The following SMARCA1 variants were observed in gnomAD, a reference collection of about 807,000 sequenced individuals.
SMARCA1 encodes the protein SWI/SNF-related matrix-associated actin-dependent regulator of chromatin subfamily A member 1.
A neutral mutation model predicts 93.6 loss-of-function variants in SMARCA1; 17 were observed. The ratio of observed to expected loss-of-function variants is 0.18; its 90% confidence interval spans 0.12 to 0.27. SMARCA1 has a LOEUF of 0.27. SMARCA1 is among the 10% of genes least tolerant of loss of function. The pLI is 1.00. For missense variants in SMARCA1, 630 were observed against 819.0 expected (o/e 0.77, Z 2.82); for synonymous variants, 271 against 271.4 (o/e 1.00, Z 0.01).
At chrX:129,497,648 C>T (rs1387332214) in intron 11 of SMARCA1, among the ~76,000 whole-genome samples, 197 bp downstream of exon 11, 1 of 112,113 alleles carries the variant, frequency 8.9e-6, no homozygotes, top group Non-Finnish European at 1.9e-5. Context: ...CTCCTCACTA[C>T]ACTGTGAGCT....
chrX:129,510,240 A>G (rs1365868260), intron 6 of SMARCA1, among the ~76,000 whole-genome samples: 1 of 112,523 alleles, frequency 8.9e-6, no homozygotes, highest in Admixed American at 9.5e-5. Flanking sequence ...TCTCAAAGCA[A>G]TATTTATCCT....
intron 5 of SMARCA1, among the ~76,000 whole-genome samples, chrX:129,513,584 T>G (rs972528234): frequency 9.4e-6 from 1 of 105,994 alleles, no homozygotes; most frequent in African/African-American, 3.4e-5. Flanking sequence ...TATTTATATA[T>G]TATATATTAT....
At chrX:129,452,687 G>A (rs766226236) in intron 23 of SMARCA1, among the ~76,000 whole-genome samples, 176 of 112,040 alleles carry the variant, frequency 1.6e-3, no homozygotes, top group Non-Finnish European at 2.5e-3. Context: ...CTGGAACAAC[G>A]TTTGGTAGAA....
At chrX:129,520,001 A>C (rs1569451777) in intron 1 of SMARCA1, among the ~76,000 whole-genome samples, 1 of 110,158 alleles carries the variant, frequency 9.1e-6, no homozygotes, top group Non-Finnish European at 1.9e-5. Flanking sequence ...ACCTTGCGGT[A>C]GACTACCATC....
At chrX:129,462,690 T>C (rs1022227305) in intron 23 of SMARCA1, among the ~76,000 whole-genome samples, 1 of 111,622 alleles carries the variant, frequency 9.0e-6, no homozygotes, top group Non-Finnish European at 1.9e-5. Context: ...CTGAAGATTG[T>C]TCAGAAATAA....
At chrX:129,489,329 C>T (rs1934026775) in intron 15 of SMARCA1, among the ~76,000 whole-genome samples, 2 of 112,007 alleles carry the variant, frequency 1.8e-5, no homozygotes, top group African/African-American at 6.5e-5. Flanking sequence ...AACTTTTTTT[C>T]ATGTTCAAAC....
intron 8 of SMARCA1, among the ~76,000 whole-genome samples, chrX:129,505,398 G>A (rs1481411137): frequency 9.0e-6 from 1 of 110,628 alleles, no homozygotes; most frequent in Non-Finnish European, 1.9e-5. Flanking sequence ...TGTAATCCCA[G>A]CTACTGGGGA....
intron 19 of SMARCA1, among the ~76,000 whole-genome samples, chrX:129,473,433 C>T (rs952375117): frequency 1.7e-4 from 19 of 112,082 alleles, no homozygotes; most frequent in Admixed American, 8.5e-4. Flanking sequence ...AAATTACAGG[C>T]ATACCAGCAA....
At chrX:129,501,973 G>C (rs1474779019) in intron 9 of SMARCA1, among the ~76,000 whole-genome samples, 4 of 111,732 alleles carry the variant, frequency 3.6e-5, no homozygotes, top group African/African-American at 1.3e-4. Context: ...AATTTGTGGT[G>C]GTACATGTGT....
intron 23 of SMARCA1, 25 bp downstream of exon 23, chrX:129,465,495 A>T (rs1239984476): frequency 3.7e-6 from 4 of 1,076,118 alleles, no homozygotes; most frequent in Non-Finnish European, 5.1e-6. Flanking sequence ...AAGTTGGAGG[A>T]AATCGGTAAG....
rs759684524 is a variant in SMARCA1 at position 129,523,229 on chromosome X, C to A, written c.142G>T (p.Ala48Ser). 3.3e-6 allele frequency: 4 copies of A among 1,209,432 alleles called. No homozygotes were observed. Among genetic ancestry groups the A allele is most frequent in the South Asian group, 1.8e-5 (1 of 56,796 alleles). Residue 48 changes from alanine (A) to serine (S), a missense_variant, in exon 1 of 25, where the codon GCG becomes TCG. This residue lies in a region of SMARCA1 where 103 missense variants were observed against 82.0 expected (regional missense o/e 1.26). Transcript: ENST00000371121. ...GAAAAATEAT[A>S]ATEKGEKKKE... ...TTCTTCTCGCCCTTCTCCGTGGCCG[C>A]GGTGGCTTCGGTGGCCGCGGCGGCC...
chrX:129,464,702 A>C (rs1216971231), intron 23 of SMARCA1, among the ~76,000 whole-genome samples: 1 of 112,563 alleles, frequency 8.9e-6, no homozygotes, highest in Non-Finnish European at 1.9e-5. Flanking sequence ...TAACCTGCTT[A>C]ATTACAAAGG....
At chrX:129,459,915 C>T (rs1358702352) in intron 23 of SMARCA1, among the ~76,000 whole-genome samples, 1 of 111,310 alleles carries the variant, frequency 9.0e-6, no homozygotes, top group Non-Finnish European at 1.9e-5. Flanking sequence ...TTTGGGAGGC[C>T]GAGGCAGGAG....
At position 129,515,059 on chromosome X, in the gene SMARCA1, A is replaced by T. The variant is rs187266937; in HGVS notation, c.630+628T>A. Among the ~76,000 whole-genome samples, 477 of 110,206 alleles carry T rather than the reference A, an allele frequency of 4.3e-3. 6 individuals are homozygous for T. Among genetic ancestry groups the T allele is most frequent in the African/African-American group, 0.014 (415 of 30,239 alleles). On this transcript the variant is annotated intron_variant, in intron 5 of 24. Transcript: ENST00000371121. The stretch of plus-strand genomic sequence containing the variant: ...GCGAGACTCCATCTCAAAAAATTTT[A>T]AAAAAAAAGTTACATAAAGGCATCA...
At chrX:129,455,581 T>C (rs1194051743) in intron 23 of SMARCA1, among the ~76,000 whole-genome samples, 2 of 110,075 alleles carry the variant, frequency 1.8e-5, no homozygotes, top group Non-Finnish European at 3.8e-5. Context: ...ATTCTGCACA[T>C]GTATCCCAGA....
chrX:129,488,929 T>C lies in SMARCA1; in HGVS notation c.2097+8A>G. 8.8e-7 allele frequency: 1 copy of C among 1,142,483 alleles called. No homozygotes were observed. The highest frequency in any genetic ancestry group is 1.8e-5 in the African/African-American group (1 of 56,230). The allele number at this position is 1,142,483 out of a possible 1,213,427, so 94.2% of individuals were successfully genotyped here. ...CCAGCATGAAAATAAAATGCTATTT[T>C]AACTAACCTTCTTTTCCCCTCTTTC... On this transcript the variant is annotated splice_region_variant and intron_variant, in intron 16 of 24. Transcript: ENST00000371121.
Position 129,497,929 on chromosome X carries a change from G to T in SMARCA1, c.1420C>A (p.Pro474Thr). ...ACAATATGCTCATCAGTGGTATAAG[G>T]TGGACCAGGTTCAGCACCATCAAAC... ...YLFDGAEPGP[P>T]YTTDEHIVSN... is the part of the protein sequence containing the mutation. The change falls in exon 11 of 25, where the codon CCT (proline) becomes ACT (threonine). Residue 474 changes from proline (P) to threonine (T), a missense_variant. Physicochemically the swap from Pro to Thr is conservative, Grantham distance 38. This residue lies in a region of SMARCA1 where 382 missense variants were observed against 537.9 expected (regional missense o/e 0.71). Coordinates refer to ENST00000371121, the MANE Select transcript of SMARCA1 (RefSeq NM_001282874.2). 1 of 1,207,232 alleles carries T rather than the reference G, an allele frequency of 8.3e-7. No homozygotes were observed. Among genetic ancestry groups the T allele is most frequent in the Non-Finnish European group, 1.1e-6 (1 of 891,458 alleles).
chrX:129,487,099 C>G lies in SMARCA1; in HGVS notation c.2136G>C (p.Glu712Asp). The change falls in exon 17 of 25, where the codon GAG (glutamate) becomes GAC (aspartate). Residue 712 changes from glutamate to aspartate, a missense_variant. By Grantham distance (45) the Glu-to-Asp change is conservative. Coordinates refer to ENST00000371121, the MANE Select transcript of SMARCA1 (RefSeq NM_001282874.2). ...CCATTCTAAAATTTCTTAGAGAAGA[C>G]TCTCCCATTTTTTGCAGGCGTTCAT... ...EMNERLQKMG[E>D]SSLRNFRMDI... 1 of 1,173,046 alleles carries G rather than the reference C, an allele frequency of 8.5e-7. No individual in the cohort carries two copies. The highest frequency in any genetic ancestry group is 1.2e-6 in the Non-Finnish European group (1 of 865,718).
chrX:129,522,378 C>G (rs1319301932), intron 1 of SMARCA1, among the ~76,000 whole-genome samples: 1 of 108,277 alleles, frequency 9.2e-6, no homozygotes, highest in Non-Finnish European at 1.9e-5. Context: ...GAGAGGGAGG[C>G]GGAAGCCTGG....
Sources: allele counts gnomAD v4.1 joint callset (sites outside exome capture counted in the v4.1 genomes callset), GRCh38; gene constraint gnomAD v4.1.1; regional missense constraint gnomAD v4.1.1; transcripts MANE v1.5; gene names NCBI Gene and HGNC (gene_info 2026-07-23, HGNC 2026-07-21).